LRRC28: variants seen among roughly 807,000 people sequenced by gnomAD.
LRRC28 encodes the protein leucine-rich repeat-containing protein 28.
Under a neutral mutation model 45.7 loss-of-function variants are expected in LRRC28, and 39 were observed. The ratio of observed to expected loss-of-function variants is 0.85; its 90% confidence interval spans 0.66 to 1.12. The LOEUF is 1.12. Ranked by LOEUF, LRRC28 falls within the 50% of genes most tolerant of loss-of-function variation. LRRC28 has a pLI of 0.00. For synonymous variants in LRRC28, 206 were observed against 178.8 expected (o/e 1.15, Z -1.22); for missense variants, 435 against 438.5 (o/e 0.99, Z 0.07).
intron 2 of LRRC28, among the ~76,000 whole-genome samples, chr15:99,272,187 G>A (rs1165160310): frequency 6.6e-6 from 1 of 152,168 alleles, no homozygotes; most frequent in East Asian, 1.9e-4. Flanking sequence ...GATGGAGCAG[G>A]TTTTGCCAAA....
chr15:99,259,536 C>A, intron 2 of LRRC28: 1 of 1,233,262 alleles, frequency 8.1e-7, no homozygotes, highest in Non-Finnish European at 1.2e-6. Flanking sequence ...CAGTGCCTGA[C>A]AGAATCTCTG....
intron 3 of LRRC28, among the ~76,000 whole-genome samples, chr15:99,280,864 C>T (rs1178532691): frequency 1.3e-5 from 2 of 152,080 alleles, no homozygotes; most frequent in African/African-American, 4.8e-5. Flanking sequence ...TTAATACTGT[C>T]TCGTAGTCAC....
intron 5 of LRRC28, among the ~76,000 whole-genome samples, chr15:99,311,059 G>A (rs1233259064): frequency 2.6e-5 from 4 of 152,120 alleles, no homozygotes; most frequent in African/African-American, 4.8e-5. Flanking sequence ...TCCTTAGTCT[G>A]CACACATGCC....
At chr15:99,353,328 A>C (rs1243028554) in intron 7 of LRRC28, among the ~76,000 whole-genome samples, 1 of 152,196 alleles carries the variant, frequency 6.6e-6, no homozygotes, top group Non-Finnish European at 1.5e-5. Context: ...TCTGGCAAGA[A>C]AAGGGATGAC....
chr15:99,353,527 A>T (rs1215841948), intron 7 of LRRC28: 2 of 152,204 alleles, frequency 1.3e-5, no homozygotes, highest in Non-Finnish European at 2.9e-5. Context: ...ACCTTCTGTG[A>T]AGCAAAGATA....
chr15:99,360,967 CTT>C (rs532602346), intron 7 of LRRC28: 1 of 156,980 alleles, frequency 6.4e-6, no homozygotes, highest in African/African-American at 2.4e-5. Flanking sequence ...ACAAAGTACT[CTT>C]TTTTTTTCTT....
At chr15:99,318,664 A>C (rs1955682666) in intron 5 of LRRC28, among the ~76,000 whole-genome samples, 2 of 152,068 alleles carry the variant, frequency 1.3e-5, no homozygotes, top group African/African-American at 4.8e-5. Context: ...ATATATGCCT[A>C]TTCAGAAATC....
chr15:99,258,176 C>G, intron 2 of LRRC28: 1 of 1,612,372 alleles, frequency 6.2e-7, no homozygotes, highest in Non-Finnish European at 8.5e-7. Context: ...GGAAGATGGC[C>G]AGTCAACTTC....
At chr15:99,273,120 G>A (rs1347533270) in intron 2 of LRRC28, among the ~76,000 whole-genome samples, 2 of 152,180 alleles carry the variant, frequency 1.3e-5, no homozygotes, top group Non-Finnish European at 2.9e-5. Flanking sequence ...TATGGCATTA[G>A]AAAACAGAGA....
Position 99,357,737 on chromosome 15 carries a change from T to C in LRRC28, c.696-3599T>C, listed in dbSNP as rs556740322. 2.6e-5 allele frequency among the ~76,000 whole-genome samples: 4 copies of C among 152,276 alleles called. No individual in the cohort carries two copies. In the South Asian group the frequency reaches 6.2e-4, roughly 24 times the overall value. On this transcript the variant is annotated intron_variant, in intron 7 of 9. Transcript: ENST00000301981. ...ATATTTTAAAGTTTACCTTAAAATATCGATAATTTATTCAACATTATATTA... is the reference window on the plus strand; with the variant it reads ...ATATTTTAAAGTTTACCTTAAAATACCGATAATTTATTCAACATTATATTA...
intron 5 of LRRC28, among the ~76,000 whole-genome samples, chr15:99,317,109 A>C (rs916758867): frequency 6.6e-6 from 1 of 151,924 alleles, no homozygotes; most frequent in Admixed American, 6.6e-5. Context: ...GCCAGTGACC[A>C]TGAGTATTAG....
rs1340293481 is a variant in LRRC28, at chr15:99,387,100, GC to G, written c.*1001del. 12 of 144,006 alleles carry G rather than the reference GC, an allele frequency of 8.3e-5. No individual in the cohort carries two copies. The highest frequency in any genetic ancestry group is 2.7e-4 in the African/African-American group (11 of 40,106). The allele number at this position is 144,006 out of a possible 1,614,324, so 8.9% of individuals were successfully genotyped here. A position where few individuals can be genotyped will look rare whatever the true frequency, so the allele number is the denominator to read the frequency against. The stretch of plus-strand genomic sequence containing the variant: ...TGTTGAGACGGAGTCTCGCTCTGTC[GC>G]CCAGGCTGGAGTGCAGTGGCGGGAT... On this transcript the variant is annotated 3_prime_UTR_variant, in exon 10 of 10. Coordinates refer to ENST00000301981, the MANE Select transcript of LRRC28 (RefSeq NM_144598.5).
chr15:99,292,912 G>A (rs1021504869), intron 5 of LRRC28, among the ~76,000 whole-genome samples: 6 of 152,172 alleles, frequency 3.9e-5, no homozygotes, highest in Non-Finnish European at 7.4e-5. Context: ...GCTTGTTTTA[G>A]TTGTTAGGGT....
At chr15:99,276,359 G>A (rs763393839) in intron 2 of LRRC28, among the ~76,000 whole-genome samples, 7 of 152,040 alleles carry the variant, frequency 4.6e-5, no homozygotes, top group Non-Finnish European at 8.8e-5. Context: ...GTTGGGGACC[G>A]CTGCTCTAAG....
Position 99,363,178 on chromosome 15 carries a change from G to A in LRRC28, c.944G>A (p.Cys315Tyr). ...LELLHCPLGH[C>Y]HRCSEPMFTI... ...CTGCTGCACTGCCCTCTGGGGCACT[G>A]TCATCGGTGTAGTGAGCCTATGTTT... The change falls in exon 9 of 10, where the codon TGT (cysteine) becomes TAT (tyrosine). Residue 315 changes from cysteine (C) to tyrosine (Y), a missense_variant. Transcript: ENST00000301981. 1.2e-6 allele frequency: 2 copies of A among 1,614,026 alleles called. No individual in the cohort carries two copies. Among genetic ancestry groups the A allele is most frequent in the Non-Finnish European group, 1.7e-6 (2 of 1,179,914 alleles).
chr15:99,356,204 GAATCAGGAA>G, intron 7 of LRRC28, among the ~76,000 whole-genome samples: 1 of 152,158 alleles, frequency 6.6e-6, no homozygotes, highest in East Asian at 1.9e-4. Context: ...GACATGTAAA[GAATCAGGAA>G]AATGTGACCC....
chr15:99,305,812 A>T (rs969706554), intron 5 of LRRC28, among the ~76,000 whole-genome samples: 1 of 152,156 alleles, frequency 6.6e-6, no homozygotes, highest in Non-Finnish European at 1.5e-5. Context: ...TCTCCACTCA[A>T]ATCTCCTTGA....
At chr15:99,268,524 G>A (rs531657780) in intron 2 of LRRC28, among the ~76,000 whole-genome samples, 1 of 152,214 alleles carries the variant, frequency 6.6e-6, no homozygotes, top group South Asian at 2.1e-4. Context: ...TCATTTTTCA[G>A]GCATTCACTT....
intron 8 of LRRC28, 73 bp downstream of exon 8, chr15:99,361,584 G>A (rs1371132248): frequency 2.1e-6 from 3 of 1,426,586 alleles, no homozygotes; most frequent in Non-Finnish European, 2.8e-6. Context: ...ACCTGTTTTG[G>A]CGTTCATCTT....
Sources: gnomAD v4.1 joint callset for allele counts (sites outside exome capture counted in the v4.1 genomes callset) on GRCh38, gnomAD v4.1.1 for gene constraint, MANE v1.5 for transcripts, NCBI Gene and HGNC (gene_info 2026-07-23, HGNC 2026-07-21) for gene names.